TTC17: variants seen among roughly 807,000 people sequenced by gnomAD.
TTC17 encodes the protein tetratricopeptide repeat protein 17.
A neutral mutation model predicts 143.8 loss-of-function variants in TTC17; 58 were observed. That is an observed-to-expected ratio of 0.40 (90% CI 0.33 to 0.50). The LOEUF (loss-of-function observed/expected upper bound fraction) is 0.50. TTC17 is among the 20% of genes least tolerant of loss of function. The pLI, the probability that TTC17 is intolerant of heterozygous loss-of-function variation, is 0.49. For synonymous variants in TTC17, 501 were observed against 497.8 expected, an observed-to-expected ratio of 1.01 and a Z score of -0.09; for missense variants, 1,273 against 1,392.5, an observed-to-expected ratio of 0.91 and a Z score of 1.37.
At chr11:43,376,181 G>A (rs1306788815) in intron 1 of TTC17, among the ~76,000 whole-genome samples, 1 of 152,108 alleles carries the variant, frequency 6.6e-6, no homozygotes, top group African/African-American at 2.4e-5. Context: ...CTTACATAAT[G>A]TATTCAAAGG....
At chr11:43,462,176 G>T (rs1339653521) in intron 21 of TTC17, among the ~76,000 whole-genome samples, 1 of 152,030 alleles carries the variant, frequency 6.6e-6, no homozygotes, top group Non-Finnish European at 1.5e-5. Flanking sequence ...AGTTAAAGTG[G>T]AATATTTTAT....
chr11:43,408,059 T>G (rs1300126493), intron 15 of TTC17, among the ~76,000 whole-genome samples: 2 of 152,228 alleles, frequency 1.3e-5, no homozygotes, highest in African/African-American at 4.8e-5. Flanking sequence ...ATGCAGCTTA[T>G]GGAGTTACAT....
chr11:43,359,053 A>C lies in TTC17; in HGVS notation c.99A>C (p.Ala33=). ...TTTCCGCCTTGCTGAGTGTGGCGGCACGAGGGGCCTTCGCCACCACGCACT... is the reference window on the plus strand; with the variant it reads ...TTTCCGCCTTGCTGAGTGTGGCGGCCCGAGGGGCCTTCGCCACCACGCACT... ...LSLSALLSVA[A]RGAFATTHWV... The change falls in exon 1 of 24, where the codon GCA becomes GCC. Residue 33 remains alanine, a synonymous_variant. Transcript: ENST00000039989. 6.3e-7 allele frequency: 1 copy of C among 1,591,582 alleles called. No individual in the cohort carries two copies. The highest frequency in any genetic ancestry group is 2.4e-5 in the East Asian group (1 of 42,118).
intron 16 of TTC17, among the ~76,000 whole-genome samples, chr11:43,432,619 C>T (rs545541777): frequency 9.2e-5 from 14 of 152,270 alleles, no homozygotes; most frequent in East Asian, 3.9e-4. Flanking sequence ...TAGAATCTCC[C>T]CATTTTTGTG....
intron 1 of TTC17, among the ~76,000 whole-genome samples, chr11:43,359,693 T>C (rs1425450582): frequency 6.6e-6 from 1 of 152,174 alleles, no homozygotes; most frequent in East Asian, 1.9e-4. Context: ...ATAGAAACAC[T>C]CCCCTTCAGA....
intron 16 of TTC17, among the ~76,000 whole-genome samples, chr11:43,430,386 C>G (rs1947125468): frequency 6.6e-6 from 1 of 152,116 alleles, no homozygotes. Flanking sequence ...CCACATCATG[C>G]CACTGCACTC....
intron 21 of TTC17, among the ~76,000 whole-genome samples, chr11:43,484,247 A>G (rs550743896): frequency 6.6e-6 from 1 of 152,338 alleles, no homozygotes; most frequent in Non-Finnish European, 1.5e-5. Flanking sequence ...AAGACTCCAC[A>G]GTTTTTTAGA....
intron 21 of TTC17, among the ~76,000 whole-genome samples, chr11:43,475,635 A>T (rs1948171101): frequency 6.6e-6 from 1 of 152,126 alleles, no homozygotes; most frequent in African/African-American, 2.4e-5. Context: ...TCAATTTCAG[A>T]TATTTCTGGA....
At chr11:43,397,076 T>C (rs1032256374) in intron 6 of TTC17, 1 of 472,044 alleles carries the variant, frequency 2.1e-6, no homozygotes, top group African/African-American at 1.9e-5. Context: ...GATACTTGAA[T>C]GGAATTATCA....
At chr11:43,454,798 T>G (rs1947731118) in intron 21 of TTC17, among the ~76,000 whole-genome samples, 1 of 151,904 alleles carries the variant, frequency 6.6e-6, no homozygotes, top group Non-Finnish European at 1.5e-5. Flanking sequence ...TATTTATGTA[T>G]CCAGAAACAA....
chr11:43,383,372 A>G (rs1430959178), intron 2 of TTC17, among the ~76,000 whole-genome samples: 1 of 152,060 alleles, frequency 6.6e-6, no homozygotes. Flanking sequence ...TTTTTTTGAG[A>G]TGAAGTCTTG....
chr11:43,363,306 C>G (rs753841463), intron 1 of TTC17, among the ~76,000 whole-genome samples: 1 of 152,082 alleles, frequency 6.6e-6, no homozygotes, highest in South Asian at 2.1e-4. Context: ...TGGTAATTTA[C>G]TTGCATCAAA....
At position 43,370,179 on chromosome 11, in the gene TTC17, A is replaced by G. The variant is rs536875399; in HGVS notation, c.160-9054A>G. 96 of 438,902 alleles carry G rather than the reference A, an allele frequency of 2.2e-4. 1 individual carries two copies. Among genetic ancestry groups the G allele is most frequent in the South Asian group, 1.5e-3 (90 of 60,838 alleles). The allele number at this position is 438,902 out of a possible 1,614,324, so 27.2% of individuals were successfully genotyped here. A position where few individuals can be genotyped will look rare whatever the true frequency, so the allele number is the denominator to read the frequency against. On this transcript the variant is annotated intron_variant, in intron 1 of 23. Transcript: ENST00000039989. ...TAAACCTCAAAGAAGATGTAAGCCC[A>G]TGATGGTTAGACTTGAATCCTGAAG... is the stretch of plus-strand genomic sequence containing the variant.
chr11:43,385,373 C>G (rs1231442914), intron 2 of TTC17, among the ~76,000 whole-genome samples: 1 of 152,074 alleles, frequency 6.6e-6, no homozygotes, highest in Non-Finnish European at 1.5e-5. Flanking sequence ...GTTCTCTGAT[C>G]ACAGTGCAAT....
chr11:43,414,556 C>T (rs766211711), intron 15 of TTC17, 34 bp from the exon 16 acceptor site: 3 of 1,579,034 alleles, frequency 1.9e-6, no homozygotes, highest in Middle Eastern at 3.5e-4. Flanking sequence ...AATATTAGTT[C>T]ATTAACATTT....
chr11:43,426,066 G>A (rs9804625), intron 16 of TTC17, among the ~76,000 whole-genome samples: 280 of 152,322 alleles, frequency 1.8e-3, no homozygotes, highest in African/African-American at 6.5e-3. Flanking sequence ...CTAGAGGTCC[G>A]TAGCAGCTGA....
Position 43,435,084 on chromosome 11 carries a change from TAGATA to T in TTC17, c.2252-8240_2252-8236del, listed in dbSNP as rs1565164496. The T allele has an allele frequency of 9.5e-4, 112 of 117,292 alleles. 1 individual carries two copies. The East Asian group carries it at 0.025, about 26-fold the overall frequency. The allele number at this position is 117,292 out of a possible 1,614,324, so 7.3% of individuals were successfully genotyped here. A position where few individuals can be genotyped will look rare whatever the true frequency, so the allele number is the denominator to read the frequency against. ...CTGTACACACAGATAAGATGATAGA[TAGATA>T]GATAGATAGATAGATAGATAGATAG... On this transcript the variant is annotated intron_variant, in intron 16 of 23. Transcript: ENST00000039989.
intron 12 of TTC17, 68 bp from the exon 13 acceptor site, chr11:43,405,718 G>A (rs61883556): frequency 0.033 from 52,634 of 1,611,948 alleles, 1,033 homozygotes; most frequent in Non-Finnish European, 0.038. Context: ...GACTTGAAAA[G>A]TTAAGTCTTT....
chr11:43,368,158 G>A (rs1262411945), intron 1 of TTC17, among the ~76,000 whole-genome samples: 1 of 151,990 alleles, frequency 6.6e-6, no homozygotes, highest in Non-Finnish European at 1.5e-5. Flanking sequence ...ACCTTTTCTT[G>A]ATGAGTCTTA....
Sources: gnomAD v4.1 joint callset for allele counts (sites outside exome capture counted in the v4.1 genomes callset) on GRCh38, gnomAD v4.1.1 for gene constraint, MANE v1.5 for transcripts, NCBI Gene and HGNC (gene_info 2026-07-23, HGNC 2026-07-21) for gene names.